ASB3: variants seen among roughly 807,000 people sequenced by gnomAD.
The protein encoded by ASB3 is ankyrin repeat and SOCS box protein 3.
Under a neutral mutation model 54.5 loss-of-function variants are expected in ASB3, and 41 were observed. The observed-to-expected ratio is 0.75, with a 90% confidence interval of 0.59 to 0.98. The LOEUF is 0.98. ASB3 is among the 50% of genes least tolerant of loss of function. The probability of loss-of-function intolerance (pLI) is 0.00; values close to 1 mark genes in which losing one functional copy is unlikely to be tolerated. For synonymous variants in ASB3, 266 were observed against 221.2 expected (o/e 1.20, Z -1.80); for missense variants, 733 against 620.0 (o/e 1.18, Z -1.94).
intron 9 of ASB3, among the ~76,000 whole-genome samples, chr2:53,687,766 C>A (rs1478029121): frequency 6.6e-6 from 1 of 152,106 alleles, no homozygotes; most frequent in Non-Finnish European, 1.5e-5. Flanking sequence ...CACCATAGAT[C>A]ACTCATATAA....
At chr2:53,728,929 CTTTTTT>C in intron 4 of ASB3, 82 bp from the exon 5 acceptor site, 1 of 1,386,884 alleles carries the variant, frequency 7.2e-7, no homozygotes, top group Non-Finnish European at 9.6e-7. Context: ...TTTTTTTTTT[CTTTTTT>C]ATCCTCTCAC....
At chr2:53,722,899 AATCT>A (rs1670787900) in intron 5 of ASB3, among the ~76,000 whole-genome samples, 1 of 152,132 alleles carries the variant, frequency 6.6e-6, no homozygotes, top group South Asian at 2.1e-4. Flanking sequence ...GAAGTCAAAC[AATCT>A]CTCTTCTCTG....
At position 53,692,611 on chromosome 2, in the gene ASB3, T is replaced by C. The variant is rs1668976436; in HGVS notation, c.1369+1273A>G. Among the ~76,000 whole-genome samples the C allele has an allele frequency of 3.3e-5, 5 of 152,180 alleles. No individual in the cohort carries two copies. The South Asian group carries it at 1.0e-3, about 32-fold the overall frequency. ...GTAATGCAGTACTCAAGCACAATTT[T>C]TACCTTCATCTGGACAAACTTGCCA... On this transcript the variant is annotated intron_variant, in intron 9 of 9. Transcript: ENST00000263634.
intron 3 of ASB3, among the ~76,000 whole-genome samples, chr2:53,740,370 T>C (rs1671869764): frequency 6.6e-6 from 1 of 152,196 alleles, no homozygotes; most frequent in South Asian, 2.1e-4. Context: ...CATACTGACA[T>C]CTGGTGGCAC....
chr2:53,723,600 A>G (rs989741743), intron 5 of ASB3, among the ~76,000 whole-genome samples: 10 of 152,212 alleles, frequency 6.6e-5, no homozygotes, highest in African/African-American at 2.4e-4. Flanking sequence ...ATTCATATGG[A>G]ACCAAAAAAG....
chr2:53,687,251 G>A lies in ASB3; in HGVS notation c.1369+6633C>T, dbSNP rs188563915. On this transcript the variant is annotated intron_variant, in intron 9 of 9. Transcript: ENST00000263634. ...TGTCAAGTTTAACTATAAATTTCTCGCTAAAAAAAAAACAAAAACAAAAAC... is the reference window on the plus strand; with the variant it reads ...TGTCAAGTTTAACTATAAATTTCTCACTAAAAAAAAAACAAAAACAAAAAC... Among the ~76,000 whole-genome samples the A allele has an allele frequency of 2.3e-3, 346 of 151,310 alleles. 1 individual carries two copies. The highest frequency in any genetic ancestry group is 8.1e-3 in the African/African-American group (336 of 41,260).
chr2:53,705,128 G>C (rs1489656901), intron 7 of ASB3, among the ~76,000 whole-genome samples: 3 of 152,016 alleles, frequency 2.0e-5, no homozygotes, highest in Non-Finnish European at 4.4e-5. Flanking sequence ...CCCAATTCTA[G>C]AATGAAAAAT....
intron 6 of ASB3, among the ~76,000 whole-genome samples, chr2:53,714,786 A>G (rs1482127578): frequency 6.6e-6 from 1 of 152,228 alleles, no homozygotes; most frequent in African/African-American, 2.4e-5. Context: ...ATTGCTTAAT[A>G]AAAAGGTCTT....
intron 1 of ASB3, among the ~76,000 whole-genome samples, chr2:53,781,864 T>C (rs995986554): frequency 6.6e-6 from 1 of 152,226 alleles, no homozygotes; most frequent in African/African-American, 2.4e-5. Context: ...ATTCACCTAA[T>C]TACTTATCTC....
At chr2:53,746,111 AC>A (rs1409903931) in intron 3 of ASB3, among the ~76,000 whole-genome samples, 1 of 151,886 alleles carries the variant, frequency 6.6e-6, no homozygotes, top group Non-Finnish European at 1.5e-5. Flanking sequence ...ACATAGCAAG[AC>A]CCCAACTCTA....
chr2:53,745,438 T>A (rs1420775354), intron 3 of ASB3, among the ~76,000 whole-genome samples: 1 of 152,214 alleles, frequency 6.6e-6, no homozygotes, highest in Non-Finnish European at 1.5e-5. Flanking sequence ...GTTGAAGAGT[T>A]CCCTTTTAAA....
chr2:53,782,855 C>T (rs1178675716), intron 1 of ASB3, among the ~76,000 whole-genome samples: 1 of 151,992 alleles, frequency 6.6e-6, no homozygotes, highest in African/African-American at 2.4e-5. Flanking sequence ...GGCGCAATCT[C>T]GGCTCACTGC....
chr2:53,785,512 T>G (rs2104242139), intron 1 of ASB3, among the ~76,000 whole-genome samples: 1 of 152,264 alleles, frequency 6.6e-6, no homozygotes, highest in East Asian at 1.9e-4. Flanking sequence ...CTAGACTGTG[T>G]GACCAAAGAC....
chr2:53,676,618 T>C (rs1668092190), intron 9 of ASB3, among the ~76,000 whole-genome samples: 3 of 152,214 alleles, frequency 2.0e-5, no homozygotes, highest in Admixed American at 6.5e-5. Context: ...CGTTAAAGTA[T>C]ACAGTAGCAT....
intron 5 of ASB3, among the ~76,000 whole-genome samples, chr2:53,725,943 T>A (rs1670968925): frequency 6.6e-6 from 1 of 152,142 alleles, no homozygotes. Flanking sequence ...ACTTTTTTTT[T>A]AATGCGTTAT....
chr2:53,748,624 C>T (rs753723433), intron 3 of ASB3, among the ~76,000 whole-genome samples: 8 of 152,162 alleles, frequency 5.3e-5, no homozygotes, highest in Non-Finnish European at 8.8e-5. Context: ...GAAACACAAA[C>T]CCTGAACCTT....
rs1255013293 is a variant in ASB3 at position 53,736,004 on chromosome 2, A to G, written c.356-6434T>C. Among the ~76,000 whole-genome samples the G allele has an allele frequency of 2.0e-5, 3 of 151,962 alleles. No homozygotes were observed. The South Asian group carries it at 6.2e-4, about 31-fold the overall frequency. ...TTAGAAACAACAAACCTTCTAAAAA[A>G]AAAAAAAAAAGAAAGGAAAAATCTA... On this transcript the variant is annotated intron_variant, in intron 3 of 9. Coordinates refer to ENST00000263634, the MANE Select transcript of ASB3 (RefSeq NM_016115.5).
intron 2 of ASB3, among the ~76,000 whole-genome samples, chr2:53,759,929 G>A (rs979222679): frequency 6.6e-6 from 1 of 152,132 alleles, no homozygotes; most frequent in Non-Finnish European, 1.5e-5. Context: ...TTGAGGGCCA[G>A]GAGGTTAACT....
At position 53,765,457 on chromosome 2, in the gene ASB3, G is replaced by C; in HGVS notation, c.116C>G (p.Ala39Gly). 6.2e-7 allele frequency: 1 copy of C among 1,614,180 alleles called. No individual in the cohort carries two copies. Among genetic ancestry groups the C allele is most frequent in the South Asian group, 1.1e-5 (1 of 91,084 alleles). The change falls in exon 2 of 10, where the codon GCT becomes GGT. Residue 39 changes from alanine to glycine, a missense_variant. Ala to Gly is a moderately conservative substitution (Grantham distance 60). Transcript: ENST00000263634. Reference sequence around the variant, plus strand: ...AATTGGCATCCATCCCCTGTTATCAGCAACATCGACACTTCGGCCCTTTTT... The same window carrying C: ...AATTGGCATCCATCCCCTGTTATCACCAACATCGACACTTCGGCCCTTTTT... ...LLKKGRSVDV[A>G]DNRGWMPIHE...
Sources: allele counts gnomAD v4.1 joint callset (sites outside exome capture counted in the v4.1 genomes callset), GRCh38; gene constraint gnomAD v4.1.1; transcripts MANE v1.5; gene names NCBI Gene and HGNC (gene_info 2026-07-23, HGNC 2026-07-21).